SDHAF2: variants seen among roughly 807,000 people sequenced by gnomAD.
The protein encoded by SDHAF2 is succinate dehydrogenase assembly factor 2, mitochondrial.
A neutral mutation model predicts 18.5 loss-of-function variants in SDHAF2; 21 were observed. That is an observed-to-expected ratio of 1.13 (90% CI 0.80 to 1.63). SDHAF2 has a LOEUF of 1.63. Ranked by LOEUF, SDHAF2 falls within the 40% of genes most tolerant of loss-of-function variation. The pLI is 0.00. For missense variants in SDHAF2, 195 were observed against 200.3 expected (o/e 0.97, Z 0.16); for synonymous variants, 84 against 70.7 (o/e 1.19, Z -0.94).
intron 1 of SDHAF2, chr11:61,437,030 T>A: frequency 8.5e-7 from 1 of 1,171,922 alleles, no homozygotes; most frequent in Non-Finnish European, 1.1e-6. Context: ...AAATTATTTC[T>A]GCTGGGATAG....
At chr11:61,442,281 C>T (rs955597323) in intron 3 of SDHAF2, among the ~76,000 whole-genome samples, 4 of 152,134 alleles carry the variant, frequency 2.6e-5, no homozygotes, top group Admixed American at 1.3e-4. Context: ...ACACTTCTAC[C>T]GCCAGCTCTT....
rs560146405 is a variant in SDHAF2 at position 61,446,084 on chromosome 11, G to A, written c.*13G>A. On this transcript the variant is annotated 3_prime_UTR_variant, in exon 4 of 4. Transcript: ENST00000301761. ...AAAGCCACGTTGAGCTGTGCTCCAC[G>A]GCCTGGCATGGGGGTTCAGTCTGTG... is the stretch of plus-strand genomic sequence containing the variant. 2.5e-5 allele frequency: 40 copies of A among 1,614,088 alleles called. No individual in the cohort carries two copies. The highest frequency in any genetic ancestry group is 2.1e-4 in the South Asian group (19 of 91,080).
At chr11:61,445,831 G>C in intron 3 of SDHAF2, 110 bp from the exon 4 acceptor site, 1 of 1,235,910 alleles carries the variant, frequency 8.1e-7, no homozygotes, top group South Asian at 1.2e-5. Flanking sequence ...GATGGAGACA[G>C]TCTATATATC....
chr11:61,432,904 C>T (rs1400608991), intron 1 of SDHAF2: 1 of 151,964 alleles, frequency 6.6e-6, no homozygotes, highest in Non-Finnish European at 1.5e-5. Flanking sequence ...TTTATATTGT[C>T]TCCATTAACA....
At chr11:61,441,261 G>A (rs1212403178) in intron 3 of SDHAF2, among the ~76,000 whole-genome samples, 2 of 152,004 alleles carry the variant, frequency 1.3e-5, no homozygotes, top group African/African-American at 2.4e-5. Flanking sequence ...AACCAGACGC[G>A]GTGGCTCACG....
Position 61,446,704 on chromosome 11 carries a change from G to C in SDHAF2, c.*633G>C. 2.5e-6 allele frequency: 1 copy of C among 399,526 alleles called. No individual in the cohort carries two copies. The highest frequency in any genetic ancestry group is 4.4e-6 in the Non-Finnish European group (1 of 226,764). The allele number at this position is 399,526 out of a possible 1,614,324, so 24.7% of individuals were successfully genotyped here. On this transcript the variant is annotated 3_prime_UTR_variant, in exon 4 of 4. Transcript: ENST00000301761. ...AACGTGCACTTTGTAATTTGAAAGAGAATTATTAAAGCATACTGAAAAAAG... is the reference window on the plus strand; with the variant it reads ...AACGTGCACTTTGTAATTTGAAAGACAATTATTAAAGCATACTGAAAAAAG...
At chr11:61,436,208 T>G (rs1200106321) in intron 1 of SDHAF2, 2 of 153,286 alleles carry the variant, frequency 1.3e-5, no homozygotes, top group African/African-American at 2.4e-5. Flanking sequence ...GGCCTTTCTC[T>G]GCAGTTTCAG....
Position 61,430,195 on chromosome 11 carries a change from A to G in SDHAF2, c.36+13A>G, listed in dbSNP as rs746755245. 6.2e-7 allele frequency: 1 copy of G among 1,614,122 alleles called. No homozygotes were observed. Among genetic ancestry groups the G allele is most frequent in the Non-Finnish European group, 8.5e-7 (1 of 1,180,010 alleles). ...GACTTCGTCGCTGGTGAGGAGAGAG[A>G]ACGTTCTAGCGTCCGGGGCGGGCGG... On this transcript the variant is annotated intron_variant, in intron 1 of 3. Transcript: ENST00000301761.
Position 61,430,309 on chromosome 11 carries a change from GGA to G in SDHAF2, c.36+131_36+132del. 2.5e-6 allele frequency: 3 copies of G among 1,177,970 alleles called. No homozygotes were observed. In the South Asian group the frequency reaches 3.8e-5, roughly 15 times the overall value. 73.0% of individuals were successfully genotyped at this position (1,177,970 alleles called of 1,614,324 possible). A position where few individuals can be genotyped will look rare whatever the true frequency, so the allele number is the denominator to read the frequency against. Reference sequence around the variant, plus strand: ...TAGCGCAGGGCAAGGGCAGGCCCAGGGAGAGGCCGATCCTGCAACTCAGGAAA... The same window carrying G: ...TAGCGCAGGGCAAGGGCAGGCCCAGGGAGGCCGATCCTGCAACTCAGGAAA... On this transcript the variant is annotated intron_variant, in intron 1 of 3. Coordinates refer to ENST00000301761, the MANE Select transcript of SDHAF2 (RefSeq NM_017841.4).
Position 61,437,575 on chromosome 11 carries a change from C to T in SDHAF2, c.37-50C>T, listed in dbSNP as rs754798820. 2.7e-5 allele frequency: 39 copies of T among 1,442,250 alleles called. 1 individual carries two copies. The highest frequency in any genetic ancestry group is 2.5e-4 in the African/African-American group (18 of 71,474). 89.3% of individuals were successfully genotyped at this position (1,442,250 alleles called of 1,614,324 possible). ...CTAGTAAGCATTGAGTAAATGATAG[C>T]GATGATAGTCGTCATTATTGTAAAG... On this transcript the variant is annotated intron_variant, in intron 1 of 3. Coordinates refer to ENST00000301761, the MANE Select transcript of SDHAF2 (RefSeq NM_017841.4).
chr11:61,443,778 A>ATTT (rs879317356), intron 3 of SDHAF2, among the ~76,000 whole-genome samples: 1 of 145,228 alleles, frequency 6.9e-6, no homozygotes, highest in Non-Finnish European at 1.5e-5. Flanking sequence ...CACCTGGCTA[A>ATTT]TTTTTTTTTT....
intron 3 of SDHAF2, among the ~76,000 whole-genome samples, chr11:61,439,855 C>T (rs1436687648): frequency 1.3e-5 from 2 of 152,150 alleles, no homozygotes; most frequent in African/African-American, 2.4e-5. Flanking sequence ...AGCTGAGGGA[C>T]ATTAGGATTA....
chr11:61,441,507 C>T (rs1235135460), intron 3 of SDHAF2, among the ~76,000 whole-genome samples: 1 of 144,700 alleles, frequency 6.9e-6, no homozygotes, highest in East Asian at 2.0e-4. Flanking sequence ...GGTGACAGAG[C>T]GAGGCTCCAT....
intron 3 of SDHAF2, among the ~76,000 whole-genome samples, chr11:61,442,396 A>G (rs1369426032): frequency 6.6e-6 from 1 of 152,080 alleles, no homozygotes; most frequent in East Asian, 1.9e-4. Context: ...CGGTGTTACC[A>G]TGTGCTGTTT....
intron 3 of SDHAF2, among the ~76,000 whole-genome samples, chr11:61,445,213 G>A (rs1294470552): frequency 6.6e-6 from 1 of 152,166 alleles, no homozygotes; most frequent in Non-Finnish European, 1.5e-5. Context: ...GGCTTTGCTT[G>A]TAATTGGCAT....
At chr11:61,431,215 G>A (rs1310705243) in intron 1 of SDHAF2, 2 of 152,136 alleles carry the variant, frequency 1.3e-5, no homozygotes, top group African/African-American at 2.4e-5. Context: ...TAGAGATGGG[G>A]TTTCACCTTG....
At chr11:61,441,801 T>C (rs1317902634) in intron 3 of SDHAF2, among the ~76,000 whole-genome samples, 1 of 152,120 alleles carries the variant, frequency 6.6e-6, no homozygotes, top group African/African-American at 2.4e-5. Context: ...TGACTAATAA[T>C]ATTGAGGATC....
rs774723481 is a variant in SDHAF2 at position 61,445,990 on chromosome 11, G to C, written c.420G>C (p.Leu140=). The C allele has an allele frequency of 5.0e-6, 8 of 1,614,160 alleles. No homozygotes were observed. The highest frequency in any genetic ancestry group is 5.1e-6 in the Non-Finnish European group (6 of 1,180,014). The change falls in exon 4 of 4, where the codon CTG becomes CTC. Residue 140 remains leucine, a synonymous_variant. Coordinates refer to ENST00000301761, the MANE Select transcript of SDHAF2 (RefSeq NM_017841.4). ...TTGAAAATGAAGTCATGGCCCTGCT[G>C]AGAGACTTTGCTAAAAACAAAAACA... ...EIFENEVMAL[L]RDFAKNKNKE...
intron 1 of SDHAF2, chr11:61,435,748 A>G (rs955624477): frequency 6.6e-6 from 1 of 152,194 alleles, no homozygotes; most frequent in African/African-American, 2.4e-5. Context: ...TGGCCTCCAG[A>G]CTTTTAGAGT....
Sources: allele counts gnomAD v4.1 joint callset (sites outside exome capture counted in the v4.1 genomes callset), GRCh38; gene constraint gnomAD v4.1.1; transcripts MANE v1.5; gene names NCBI Gene and HGNC (gene_info 2026-07-23, HGNC 2026-07-21).